Variants in FBN2 observed in about 807,000 individuals in gnomAD.
FBN2 encodes fibrillin 2.
In FBN2, 105 loss-of-function variants were observed where a neutral mutation model predicts 355.6. The ratio of observed to expected loss-of-function variants is 0.30; its 90% CI spans 0.25 to 0.35. The LOEUF (loss-of-function observed/expected upper bound fraction) is 0.35, where lower values mean the gene tolerates loss of function less well. Ranked by LOEUF, FBN2 falls within the 10% of genes least tolerant of loss-of-function variation. FBN2 has a pLI of 1.00. For synonymous variants in FBN2, 1,350 were observed against 1,301.2 expected (o/e 1.04, Z -0.81); for missense variants, 3,280 against 3,758.7 (o/e 0.87, Z 3.33).
intron 19 of FBN2, 44 bp downstream of exon 19, chr5:128,361,679 A>G (rs751155679): frequency 1.9e-5 from 31 of 1,609,222 alleles, no homozygotes; most frequent in Non-Finnish European, 2.5e-5. Context: ...ATACAACTCC[A>G]GGTACTCACT....
chr5:128,387,546 T>A (rs1487518313), intron 11 of FBN2, among the ~76,000 whole-genome samples: 1 of 152,138 alleles, frequency 6.6e-6, no homozygotes, highest in Admixed American at 6.5e-5. Flanking sequence ...TTCCTCCAGG[T>A]GTGATGTTGT....
In FBN2 at chr5:128,329,637, T is replaced by G. The variant is rs769676390; in HGVS notation, c.4346-816A>C. Reference sequence around the variant, plus strand: ...CCATGCTCTTTCCTTGACACCACAGTGCGGAGAAATGCCAGGAAAGATGCA... The same window carrying G: ...CCATGCTCTTTCCTTGACACCACAGGGCGGAGAAATGCCAGGAAAGATGCA... On this transcript the variant is annotated intron_variant, in intron 33 of 64. Transcript: ENST00000262464. Among the ~76,000 whole-genome samples, 3 of 152,186 alleles carry G rather than the reference T, an allele frequency of 2.0e-5. No homozygotes were observed. In the East Asian group the frequency reaches 5.8e-4, roughly 29 times the overall value.
At chr5:128,406,695 C>T (rs1296023237) in intron 8 of FBN2, among the ~76,000 whole-genome samples, 4 of 152,176 alleles carry the variant, frequency 2.6e-5, no homozygotes, top group South Asian at 2.1e-4. Flanking sequence ...ATACCCTGGA[C>T]GGGCTGGTGT....
chr5:128,438,084 G>T (rs544816865), intron 7 of FBN2, among the ~76,000 whole-genome samples: 3 of 152,264 alleles, frequency 2.0e-5, no homozygotes, highest in Admixed American at 2.0e-4. Flanking sequence ...TCCGCCTCCT[G>T]GGCTTAGGTG....
At chr5:128,346,542 C>A (rs1422167395) in intron 23 of FBN2, among the ~76,000 whole-genome samples, 2 of 152,176 alleles carry the variant, frequency 1.3e-5, no homozygotes. Flanking sequence ...AATATTGATT[C>A]TTTCAAGTTC....
chr5:128,441,304 T>A (rs1438243397), intron 7 of FBN2, among the ~76,000 whole-genome samples: 1 of 152,140 alleles, frequency 6.6e-6, no homozygotes, highest in Non-Finnish European at 1.5e-5. Flanking sequence ...GCTGTCTCCA[T>A]GAGTTTCCCC....
intron 25 of FBN2, among the ~76,000 whole-genome samples, chr5:128,339,686 C>T (rs1750946606): frequency 6.6e-6 from 1 of 152,128 alleles, no homozygotes; most frequent in Non-Finnish European, 1.5e-5. Flanking sequence ...GCAGCCAGGC[C>T]CCCATGGAAT....
At chr5:128,363,235 G>A (rs1209173383) in intron 18 of FBN2, among the ~76,000 whole-genome samples, 1 of 151,464 alleles carries the variant, frequency 6.6e-6, no homozygotes, top group Non-Finnish European at 1.5e-5. Context: ...CTGTCACCAC[G>A]GCTGGAGTGC....
At chr5:128,404,243 G>C (rs898780064) in intron 8 of FBN2, among the ~76,000 whole-genome samples, 1 of 152,178 alleles carries the variant, frequency 6.6e-6, no homozygotes, top group Non-Finnish European at 1.5e-5. Context: ...ACATTAATAT[G>C]TTAGATTAAT....
intron 35 of FBN2, among the ~76,000 whole-genome samples, chr5:128,318,640 T>C (rs1172551692): frequency 6.6e-6 from 1 of 151,934 alleles, no homozygotes; most frequent in Non-Finnish European, 1.5e-5. Context: ...AAGAGACACT[T>C]TACTAGTTTC....
In FBN2 at chr5:128,306,086, C is replaced by A. The variant is rs369543378; in HGVS notation, c.5423-138G>T. On this transcript the variant is annotated intron_variant, in intron 42 of 64. Transcript: ENST00000262464. ...AAAAATCTATTATATACTAGTATAG[C>A]TAATTTTTTTGGTTTATAAAAACAT... 87 of 814,692 alleles carry A rather than the reference C, an allele frequency of 1.1e-4. 1 individual carries two copies. Among genetic ancestry groups the A allele is most frequent in the African/African-American group, 4.7e-4 (27 of 57,988 alleles). The allele number at this position is 814,692 out of a possible 1,614,324, so 50.5% of individuals were successfully genotyped here.
chr5:128,377,037 C>G (rs1455554433), intron 13 of FBN2, among the ~76,000 whole-genome samples, 184 bp from the exon 14 acceptor site: 1 of 152,070 alleles, frequency 6.6e-6, no homozygotes, highest in Non-Finnish European at 1.5e-5. Context: ...TGGAAAGGAC[C>G]TTCAGTATAT....
chr5:128,488,459 C>CT (rs1237547113), intron 5 of FBN2, among the ~76,000 whole-genome samples: 1 of 151,206 alleles, frequency 6.6e-6, no homozygotes, highest in Non-Finnish European at 1.5e-5. Flanking sequence ...AATGCCAGTT[C>CT]TTTTTTTTCT....
At chr5:128,520,274 C>T (rs1308545194) in intron 4 of FBN2, among the ~76,000 whole-genome samples, 10 of 152,178 alleles carry the variant, frequency 6.6e-5, no homozygotes, top group Admixed American at 6.5e-4. Flanking sequence ...CTCTAGAATC[C>T]TTGGAACCTA....
At chr5:128,367,531 G>T (rs1751805453) in intron 16 of FBN2, among the ~76,000 whole-genome samples, 1 of 151,854 alleles carries the variant, frequency 6.6e-6, no homozygotes, top group South Asian at 2.1e-4. Context: ...GATTACTTGT[G>T]TATTTTACTA....
chr5:128,417,500 AT>A (rs1387440523), intron 7 of FBN2, among the ~76,000 whole-genome samples: 1 of 152,114 alleles, frequency 6.6e-6, no homozygotes, highest in African/African-American at 2.4e-5. Flanking sequence ...CATACATGGC[AT>A]TTTTAATGTC....
chr5:128,294,207 T>C (rs1749427783), intron 48 of FBN2, among the ~76,000 whole-genome samples: 1 of 152,158 alleles, frequency 6.6e-6, no homozygotes, highest in African/African-American at 2.4e-5. Flanking sequence ...ATGGTGTATA[T>C]GTGCCACATT....
intron 23 of FBN2, among the ~76,000 whole-genome samples, chr5:128,347,417 C>T (rs1751211449): frequency 6.6e-6 from 1 of 152,176 alleles, no homozygotes; most frequent in African/African-American, 2.4e-5. Context: ...CCTATCAATG[C>T]TGCGATTGTC....
At chr5:128,292,514 T>G (rs986279174) in intron 48 of FBN2, among the ~76,000 whole-genome samples, 3 of 152,104 alleles carry the variant, frequency 2.0e-5, no homozygotes, top group African/African-American at 7.2e-5. Context: ...ACACACAAGT[T>G]CTCAATTTAT....
Sources: gnomAD v4.1 joint callset for allele counts (sites outside exome capture counted in the v4.1 genomes callset) on GRCh38, gnomAD v4.1.1 for gene constraint, MANE v1.5 for transcripts, NCBI Gene and HGNC (gene_info 2026-07-23, HGNC 2026-07-21) for gene names.